Variants in SPNS3 observed in about 807,000 individuals in gnomAD.
SPNS3 encodes the protein protein spinster homolog 3.
In SPNS3, 51 loss-of-function variants were observed where a neutral mutation model predicts 54.4. That is an observed-to-expected ratio of 0.94 (90% confidence interval 0.75 to 1.18). The LOEUF is 1.18. SPNS3 is among the 50% of genes most tolerant of loss of function. The pLI is 0.00. For missense variants in SPNS3, 669 were observed against 677.4 expected (o/e 0.99, Z 0.14); for synonymous variants, 309 against 294.7 (o/e 1.05, Z -0.50).
rs1555528416 is a variant in SPNS3, at chr17:4,436,023, A to AACTGTGGGCAGGACTCCCC, written c.199+1871_199+1872insTCCCCACTGTGGGCAGGAC. Among the ~76,000 whole-genome samples the AACTGTGGGCAGGACTCCCC allele has an allele frequency of 2.3e-3, 354 of 152,064 alleles. 2 individuals carry two copies. Among genetic ancestry groups the AACTGTGGGCAGGACTCCCC allele is most frequent in the African/African-American group, 8.4e-3 (347 of 41,506 alleles). ...ATTCATTCAAGACCGGCTGAGCACT[A>AACTGTGGGCAGGACTCCCC]ACTGTGGGCAGGACCCCCTGCTGGC... On this transcript the variant is annotated intron_variant, in intron 1 of 11. Transcript: ENST00000355530.
chr17:4,455,195 T>A lies in SPNS3; in HGVS notation c.1113+1990T>A, dbSNP rs567095766. Among the ~76,000 whole-genome samples, 4 of 152,316 alleles carry A rather than the reference T, an allele frequency of 2.6e-5. No homozygotes were observed. The East Asian group carries it at 7.7e-4, about 29-fold the overall frequency. Reference sequence around the variant, plus strand: ...TCCCAAAGTGCTGGGATTACAGGTGTGAGCCATCACGCCCAGCCCCAAACA... The same window carrying A: ...TCCCAAAGTGCTGGGATTACAGGTGAGAGCCATCACGCCCAGCCCCAAACA... On this transcript the variant is annotated intron_variant, in intron 8 of 11. Coordinates refer to ENST00000355530, the MANE Select transcript of SPNS3 (RefSeq NM_182538.5).
chr17:4,436,840 G>T (rs562459269), intron 1 of SPNS3, among the ~76,000 whole-genome samples: 2 of 152,350 alleles, frequency 1.3e-5, no homozygotes, highest in Admixed American at 1.3e-4. Context: ...GGAGGCCTGA[G>T]TTGGAGTGTG....
At chr17:4,465,011 C>CA (rs1804975065) in intron 8 of SPNS3, among the ~76,000 whole-genome samples, 1 of 152,198 alleles carries the variant, frequency 6.6e-6, no homozygotes. Context: ...GCATATGTAA[C>CA]AAAATTTAAT....
chr17:4,474,891 T>C (rs1003289093), intron 8 of SPNS3, among the ~76,000 whole-genome samples: 2 of 152,222 alleles, frequency 1.3e-5, no homozygotes, highest in African/African-American at 4.8e-5. Context: ...TCCCCGCATA[T>C]GTACGTAGTT....
At chr17:4,441,381 A>C (rs1188369562) in intron 2 of SPNS3, among the ~76,000 whole-genome samples, 1 of 152,116 alleles carries the variant, frequency 6.6e-6, no homozygotes, top group Admixed American at 6.5e-5. Flanking sequence ...AAAAAAAGAC[A>C]AAAGAGTTAC....
At chr17:4,482,887 G>A (rs1972208496) in intron 9 of SPNS3, among the ~76,000 whole-genome samples, 1 of 152,186 alleles carries the variant, frequency 6.6e-6, no homozygotes, top group African/African-American at 2.4e-5. Flanking sequence ...GGATCCCAGG[G>A]GCACGATCTC....
chr17:4,464,963 G>A (rs962019366), intron 8 of SPNS3, among the ~76,000 whole-genome samples: 4 of 152,324 alleles, frequency 2.6e-5, no homozygotes, highest in Middle Eastern at 6.8e-3. Flanking sequence ...TTACAGGCAT[G>A]AGCCACCACT....
rs546916118 is a variant in SPNS3, at chr17:4,486,512, G to A, written c.1379G>A (p.Gly460Glu). Residue 460 changes from glycine (G) to glutamate (E), a missense_variant, in exon 11 of 12, where the codon GGG (glycine) becomes GAG (glutamate). Coordinates refer to ENST00000355530, the MANE Select transcript of SPNS3 (RefSeq NM_182538.5). The surrounding 1 kb of genome is among the most constrained non-coding windows in gnomAD (Gnocchi z 5.5). ...TGCTGCGCCTTTGTCATCGCCCTGG[G>A]GGGCGGCTGCTTCCTGCTGACTGCG... ...FLCCAFVIAL[G>E]GGCFLLTALY... The A allele has an allele frequency of 6.2e-7, 1 of 1,613,668 alleles. No individual in the cohort carries two copies. Among genetic ancestry groups the A allele is most frequent in the East Asian group, 2.2e-5 (1 of 44,886 alleles).
At chr17:4,444,783 C>T (rs1320635345) in intron 2 of SPNS3, among the ~76,000 whole-genome samples, 2 of 152,190 alleles carry the variant, frequency 1.3e-5, no homozygotes, top group African/African-American at 4.8e-5. Flanking sequence ...GTTGGGGTGA[C>T]ACTCAGAGCA....
intron 1 of SPNS3, among the ~76,000 whole-genome samples, chr17:4,434,908 G>A (rs747190728): frequency 1.7e-4 from 26 of 149,820 alleles, no homozygotes; most frequent in South Asian, 4.2e-4. Context: ...AGGTTCAAGC[G>A]ATTCCTATCT....
At chr17:4,468,573 G>T (rs985718523) in intron 8 of SPNS3, among the ~76,000 whole-genome samples, 6 of 152,070 alleles carry the variant, frequency 3.9e-5, no homozygotes, top group African/African-American at 1.2e-4. Context: ...TGGGGCAGGG[G>T]GCGGTGGCGG....
chr17:4,460,139 A>C (rs1971457409), intron 8 of SPNS3, among the ~76,000 whole-genome samples: 1 of 152,160 alleles, frequency 6.6e-6, no homozygotes, highest in Admixed American at 6.6e-5. Context: ...CAAGGCGGCT[A>C]CTGTGATTAG....
rs148424998 is a variant in SPNS3 at position 4,445,076 on chromosome 17, C to T, written c.310C>T (p.Leu104=). 24 of 1,614,040 alleles carry T rather than the reference C, an allele frequency of 1.5e-5. No homozygotes were observed. Among genetic ancestry groups the T allele is most frequent in the Non-Finnish European group, 1.7e-5 (20 of 1,180,002 alleles). The stretch of plus-strand genomic sequence containing the variant: ...GCTGTCTGCACCTGTGTTTGGCTAC[C>T]TGGGCGACCGACATAGCCGCAAGGC... ...LLLSAPVFGY[L]GDRHSRKATM... Residue 104 remains leucine (L), a synonymous_variant, in exon 3 of 12, where the codon CTG becomes TTG. Coordinates refer to ENST00000355530, the MANE Select transcript of SPNS3 (RefSeq NM_182538.5).
At chr17:4,453,231 G>A (rs1450012683) in intron 8 of SPNS3, 26 bp downstream of exon 8, 1 of 1,597,462 alleles carries the variant, frequency 6.3e-7, no homozygotes, top group South Asian at 1.1e-5. Context: ...TATGGAGGTG[G>A]GGACAGGGTT....
At chr17:4,480,911 G>C (rs1972133585) in intron 9 of SPNS3, among the ~76,000 whole-genome samples, 1 of 152,188 alleles carries the variant, frequency 6.6e-6, no homozygotes. Flanking sequence ...TTTGGCCTTC[G>C]GGGATCAGAG....
chr17:4,485,998 C>A, intron 9 of SPNS3: 1 of 460,740 alleles, frequency 2.2e-6, no homozygotes, highest in Non-Finnish European at 3.8e-6. Context: ...AGGGGTGGCC[C>A]TGATCAGGGG....
intron 8 of SPNS3, among the ~76,000 whole-genome samples, chr17:4,463,913 C>T (rs1971611892): frequency 6.6e-6 from 1 of 152,076 alleles, no homozygotes; most frequent in Admixed American, 6.5e-5. Context: ...GCATGCACAC[C>T]CAACTCAGGA....
At chr17:4,435,854 C>T (rs1007491496) in intron 1 of SPNS3, among the ~76,000 whole-genome samples, 1 of 152,166 alleles carries the variant, frequency 6.6e-6, no homozygotes, top group Non-Finnish European at 1.5e-5. Flanking sequence ...GTCGCTTGAA[C>T]CCGGGAGGCG....
At position 4,453,205 on chromosome 17, in the gene SPNS3, T is replaced by C. The variant is rs1250727238; in HGVS notation, c.1113T>C (p.Tyr371=). 6.2e-7 allele frequency: 1 copy of C among 1,611,512 alleles called. No homozygotes were observed. Among genetic ancestry groups the C allele is most frequent in the Non-Finnish European group, 8.5e-7 (1 of 1,179,032 alleles). The change falls in exon 8 of 12, where the codon TAT becomes TAC. Residue 371 remains tyrosine, a splice_region_variant and synonymous_variant. Transcript: ENST00000355530. ...CCCCGACCACCCTGCTGGCCTCCTA[T>C]GTAAGTGAGAGCCTCTATGGAGGTG... is the stretch of plus-strand genomic sequence containing the variant. ...VLAPTTLLAS[Y]VFLGLGELLL...
Sources: allele counts gnomAD v4.1 joint callset (sites outside exome capture counted in the v4.1 genomes callset), GRCh38; gene constraint gnomAD v4.1.1; non-coding constraint Gnocchi (gnomAD v3.1); transcripts MANE v1.5; gene names NCBI Gene and HGNC (gene_info 2026-07-23, HGNC 2026-07-21).